Variants in RBFOX1 observed in about 807,000 individuals in gnomAD.
RBFOX1 encodes the protein RNA binding fox-1 homolog 1, also known as RNA binding protein fox-1 homolog 1.
Under a neutral mutation model 57.7 loss-of-function variants are expected in RBFOX1, and 8 were observed. That is an observed-to-expected ratio of 0.14 (90% CI 0.08 to 0.25). The LOEUF (loss-of-function observed/expected upper bound fraction) is 0.25. Ranked by LOEUF, RBFOX1 falls within the 10% of genes least tolerant of loss-of-function variation. The pLI, the probability that RBFOX1 is intolerant of heterozygous loss-of-function variation, is 1.00. For synonymous variants in RBFOX1, 326 were observed against 222.4 expected (o/e 1.47, Z -4.15); for missense variants, 611 against 548.5 (o/e 1.11, Z -1.14).
intron 3 of RBFOX1, among the ~76,000 whole-genome samples, chr16:6,860,461 G>A (rs1383789158): frequency 1.3e-5 from 2 of 152,190 alleles, no homozygotes; most frequent in East Asian, 1.9e-4. Flanking sequence ...CTACCGTGCT[G>A]CTGATGGAAG....
intron 4 of RBFOX1, among the ~76,000 whole-genome samples, chr16:5,952,193 C>A (rs1286344190): frequency 6.6e-6 from 1 of 151,506 alleles, no homozygotes; most frequent in African/African-American, 2.4e-5. Flanking sequence ...CTCTGTTTCC[C>A]TGGCTGGAGT....
chr16:7,672,101 A>T (rs1015013858), intron 13 of RBFOX1, among the ~76,000 whole-genome samples: 1 of 152,244 alleles, frequency 6.6e-6, no homozygotes, highest in Non-Finnish European at 1.5e-5. Flanking sequence ...GACATCTAAC[A>T]TAACCCTCCC....
chr16:6,700,227 C>G (rs762685318), intron 3 of RBFOX1, among the ~76,000 whole-genome samples: 5 of 152,130 alleles, frequency 3.3e-5, no homozygotes, highest in Admixed American at 1.3e-4. Flanking sequence ...GTACCATGCA[C>G]TGTCCTTTCC....
At chr16:5,864,852 T>G (rs952882243) in intron 3 of RBFOX1, among the ~76,000 whole-genome samples, 1 of 152,196 alleles carries the variant, frequency 6.6e-6, no homozygotes, top group Non-Finnish European at 1.5e-5. Context: ...CCACAGGCCC[T>G]GCCACTCCCT....
chr16:5,846,400 A>C (rs183204172), intron 3 of RBFOX1, among the ~76,000 whole-genome samples: 1 of 151,344 alleles, frequency 6.6e-6, no homozygotes, highest in African/African-American at 2.4e-5. Flanking sequence ...CTATTACAGC[A>C]TGTTTTATGG....
intron 15 of RBFOX1, chr16:7,709,712 C>A: frequency 1.7e-6 from 2 of 1,154,908 alleles, no homozygotes; most frequent in African/African-American, 1.9e-5. Flanking sequence ...TTGGGGGTTG[C>A]CTTTTGTTTT....
At chr16:6,483,791 TGGCGGCGTGTGCG>T in intron 2 of RBFOX1, 1 of 1,384,082 alleles carries the variant, frequency 7.2e-7, no homozygotes, top group East Asian at 2.7e-5. Flanking sequence ...GCAGACACGG[TGGCGGCGTGTGCG>T]CCTCCGGGGC....
chr16:6,126,669 C>T (rs2096592016), intron 1 of RBFOX1, among the ~76,000 whole-genome samples: 1 of 152,086 alleles, frequency 6.6e-6, no homozygotes, highest in African/African-American at 2.4e-5. Context: ...GGGTCTGGCT[C>T]CTCCCCTGGT....
At chr16:6,164,680 T>C (rs529519103) in intron 1 of RBFOX1, among the ~76,000 whole-genome samples, 2 of 152,138 alleles carry the variant, frequency 1.3e-5, no homozygotes, top group Admixed American at 1.3e-4. Flanking sequence ...AGTTTTGCTA[T>C]TTGGCCGGGC....
intron 14 of RBFOX1, among the ~76,000 whole-genome samples, chr16:7,692,554 C>G (rs1163090318): frequency 6.6e-6 from 1 of 152,132 alleles, no homozygotes; most frequent in African/African-American, 2.4e-5. Flanking sequence ...CATTTACGAA[C>G]CTAGCCAACC....
intron 2 of RBFOX1, among the ~76,000 whole-genome samples, chr16:6,580,901 G>A (rs1014441204): frequency 2.8e-5 from 3 of 105,330 alleles, no homozygotes; most frequent in Non-Finnish European, 5.6e-5. Context: ...TATCTCATTT[G>A]GGCTTGCTTT....
chr16:7,243,102 G>C (rs1335964803), intron 4 of RBFOX1, among the ~76,000 whole-genome samples: 1 of 151,940 alleles, frequency 6.6e-6, no homozygotes, highest in African/African-American at 2.4e-5. Flanking sequence ...AACGTTTTAG[G>C]AATATCAATA....
chr16:6,603,661 G>A (rs1456634725), intron 2 of RBFOX1, among the ~76,000 whole-genome samples: 1 of 152,196 alleles, frequency 6.6e-6, no homozygotes, highest in African/African-American at 2.4e-5. Flanking sequence ...CCACTAGGCT[G>A]ACTGTAGTGT....
At chr16:6,268,523 C>G (rs1485117350) in intron 1 of RBFOX1, among the ~76,000 whole-genome samples, 9 of 152,174 alleles carry the variant, frequency 5.9e-5, no homozygotes, top group Admixed American at 5.9e-4. Flanking sequence ...GAGATGAGAC[C>G]TTCCTGAATC....
At chr16:5,978,507 T>G (rs1022671831) in intron 4 of RBFOX1, among the ~76,000 whole-genome samples, 2 of 152,176 alleles carry the variant, frequency 1.3e-5, no homozygotes, top group African/African-American at 4.8e-5. Context: ...GCTATATTAC[T>G]ATTAAGGCCA....
chr16:5,474,707 C>A lies in RBFOX1; in HGVS notation c.258+7453C>A, dbSNP rs182301680. On this transcript the variant is annotated intron_variant, in intron 2 of 2. Coordinates refer to the RBFOX1 transcript ENST00000585867. ...TTGTAAAGGTGTTCTCTCTGTATGACAAACCTTATTTATTTTATAAGCATG... is the reference window on the plus strand; with the variant it reads ...TTGTAAAGGTGTTCTCTCTGTATGAAAAACCTTATTTATTTTATAAGCATG... Among the ~76,000 whole-genome samples, 122 of 151,616 alleles carry A rather than the reference C, an allele frequency of 8.0e-4. 1 individual carries two copies. In the Middle Eastern group the frequency reaches 0.021, roughly 26 times the overall value.
chr16:6,780,392 ATATATTTTTATATATATT>A (rs1445277883), intron 3 of RBFOX1, among the ~76,000 whole-genome samples: 1 of 86,702 alleles, frequency 1.2e-5, no homozygotes, highest in African/African-American at 6.3e-5. Flanking sequence ...TACATATTAT[ATATATTTTTATATATATT>A]TATATATATT....
At chr16:5,546,031 A>G (rs2045188655) in intron 2 of RBFOX1, among the ~76,000 whole-genome samples, 1 of 152,194 alleles carries the variant, frequency 6.6e-6, no homozygotes. Flanking sequence ...TATAATAACA[A>G]TAAAGAACTG....
rs903527845 is a variant in RBFOX1 at position 5,946,722 on chromosome 16, A to T, written c.351+79387A>T. ...AGAAGGGAAGTACAGGCTTGCTCTG[A>T]AGTGGGGCCAGTCTTGTGGGACTGG... On this transcript the variant is annotated intron_variant, in intron 4 of 19. Coordinates refer to the RBFOX1 transcript ENST00000641259. The surrounding 1 kb of genome is among the most constrained non-coding windows in gnomAD (Gnocchi z 4.6). Among the ~76,000 whole-genome samples, 8 of 152,182 alleles carry T rather than the reference A, an allele frequency of 5.3e-5. No individual in the cohort carries two copies. Among genetic ancestry groups the T allele is most frequent in the Middle Eastern group, 3.2e-3 (1 of 316 alleles).
Sources: allele counts gnomAD v4.1 joint callset (sites outside exome capture counted in the v4.1 genomes callset), GRCh38; gene constraint gnomAD v4.1.1; non-coding constraint Gnocchi (gnomAD v3.1); transcripts MANE v1.5; gene names NCBI Gene and HGNC (gene_info 2026-07-23, HGNC 2026-07-21).